OAS2: variants seen among roughly 807,000 people sequenced by gnomAD.
OAS2 encodes 2'-5'-oligoadenylate synthase 2.
OAS2 carries 67 observed loss-of-function variants against 71.3 expected under a neutral mutation model. The observed-to-expected ratio is 0.94, with a 90% CI of 0.77 to 1.15. The LOEUF is 1.15. Among genes scored for constraint, OAS2 ranks in the 50% most tolerant of loss-of-function variants. The probability of loss-of-function intolerance (pLI) is 0.00; values close to 1 mark genes in which losing one functional copy is unlikely to be tolerated. For missense variants in OAS2, 789 were observed against 822.5 expected (o/e 0.96, Z 0.50); for synonymous variants, 327 against 321.8 (o/e 1.02, Z -0.17).
chr12:112,995,148 A>G (rs998803024), intron 2 of OAS2, 148 bp from the exon 3 acceptor site: 1 of 642,182 alleles, frequency 1.6e-6, no homozygotes, highest in Non-Finnish European at 2.6e-6. Flanking sequence ...CTTCCCTACT[A>G]TGTTTTATGT....
chr12:113,009,908 C>G lies in OAS2; in HGVS notation c.*653C>G. On this transcript the variant is annotated 3_prime_UTR_variant, in exon 10 of 10. Coordinates refer to ENST00000392583, the MANE Select transcript of OAS2 (RefSeq NM_002535.3). ...TATATTCCACCAGGATATCCTCCCT[C>G]CAGATATACTTGGTTCTCTCCACCA... is the stretch of plus-strand genomic sequence containing the variant. 1 of 987,436 alleles carries G rather than the reference C, an allele frequency of 1.0e-6. No individual in the cohort carries two copies. Among genetic ancestry groups the G allele is most frequent in the Non-Finnish European group, 1.2e-6 (1 of 831,488 alleles). The allele number at this position is 987,436 out of a possible 1,614,324, so 61.2% of individuals were successfully genotyped here.
chr12:112,982,445 A>G (rs1230115406), intron 1 of OAS2, among the ~76,000 whole-genome samples: 1 of 152,118 alleles, frequency 6.6e-6, no homozygotes, highest in Non-Finnish European at 1.5e-5. Flanking sequence ...TTTGTCCTTC[A>G]TTATGTTGAT....
In OAS2 at chr12:113,010,286, A is replaced by G; in HGVS notation, c.*1031A>G. 1.3e-6 allele frequency: 2 copies of G among 1,502,730 alleles called. No individual in the cohort carries two copies. The highest frequency in any genetic ancestry group is 4.5e-5 in the Admixed American group (2 of 44,410). The allele number at this position is 1,502,730 out of a possible 1,614,324, so 93.1% of individuals were successfully genotyped here. On this transcript the variant is annotated 3_prime_UTR_variant, in exon 10 of 10. Coordinates refer to ENST00000392583, the MANE Select transcript of OAS2 (RefSeq NM_002535.3). ...TGGCAATAGTTACCTTCCCAGATAC[A>G]GGTCCCCCCTTTTTTCCCCTAACTC...
chr12:112,985,116 A>AAT (rs1255145502), intron 1 of OAS2, among the ~76,000 whole-genome samples: 6 of 152,318 alleles, frequency 3.9e-5, no homozygotes, highest in African/African-American at 1.4e-4. Context: ...GTTTGACTAT[A>AAT]ATATGCCTGC....
chr12:112,995,068 G>A (rs986122690), intron 2 of OAS2, among the ~76,000 whole-genome samples: 11 of 151,980 alleles, frequency 7.2e-5, no homozygotes, highest in Admixed American at 2.0e-4. Flanking sequence ...TCTTGTCTTG[G>A]GTTAACACCA....
intron 1 of OAS2, among the ~76,000 whole-genome samples, chr12:112,982,993 T>G (rs1461153227): frequency 6.6e-6 from 1 of 152,180 alleles, no homozygotes; most frequent in African/African-American, 2.4e-5. Context: ...TAATGACCCC[T>G]TTTATTTCTG....
intron 1 of OAS2, among the ~76,000 whole-genome samples, chr12:112,981,194 T>C (rs954095285): frequency 6.6e-6 from 1 of 152,166 alleles, no homozygotes; most frequent in Non-Finnish European, 1.5e-5. Flanking sequence ...ATTGTTCCCT[T>C]TGATGTGCAG....
chr12:112,980,150 T>A (rs140512255), intron 1 of OAS2, among the ~76,000 whole-genome samples: 3 of 152,350 alleles, frequency 2.0e-5, no homozygotes, highest in Non-Finnish European at 2.9e-5. Context: ...TGCATATTTA[T>A]ATGGGGTACA....
In OAS2 at chr12:113,004,915, ACCTT is replaced by A; in HGVS notation, c.1180-14_1180-11del. On this transcript the variant is annotated splice_polypyrimidine_tract_variant and intron_variant, in intron 6 of 9. Coordinates refer to ENST00000392583, the MANE Select transcript of OAS2 (RefSeq NM_002535.3). ...TCGGTTAAGGAAATTCTGGATCTCAACCTTCCTTTCTTCCTTAGGGAGGATCAAC... is the reference window on the plus strand; with the variant it reads ...TCGGTTAAGGAAATTCTGGATCTCAACCTTTCTTCCTTAGGGAGGATCAAC... The A allele has an allele frequency of 6.2e-7, 1 of 1,610,294 alleles. No homozygotes were observed. Among genetic ancestry groups the A allele is most frequent in the Non-Finnish European group, 8.5e-7 (1 of 1,177,270 alleles).
intron 6 of OAS2, among the ~76,000 whole-genome samples, chr12:113,004,711 A>G (rs764221036): frequency 2.0e-5 from 3 of 152,238 alleles, no homozygotes; most frequent in Non-Finnish European, 2.9e-5. Flanking sequence ...TCATGTATAA[A>G]AGGCAGGAGA....
In OAS2 at chr12:113,007,849, C is replaced by T; in HGVS notation, c.1801C>T (p.Gln601Ter). The T allele has an allele frequency of 2.5e-6, 4 of 1,614,128 alleles. No individual in the cohort carries two copies. The highest frequency in any genetic ancestry group is 1.3e-5 in the African/African-American group (1 of 75,030). The change falls in exon 9 of 10, where the codon CAA (glutamine) becomes TAA (stop). Residue 601 changes from glutamine to a stop codon, truncating the protein, a stop_gained. Coordinates refer to ENST00000392583, the MANE Select transcript of OAS2 (RefSeq NM_002535.3). LOFTEE classifies it high-confidence loss of function. Reference protein sequence around the residue: ...GFRTVLELVTQYQQLCIFWKV... With the variant: ...GFRTVLELVT Reference sequence around the variant, plus strand: ...CCGGACAGTCCTGGAGCTGGTCACACAATATCAGCAGCTCTGCATCTTCTG... The same window carrying T: ...CCGGACAGTCCTGGAGCTGGTCACATAATATCAGCAGCTCTGCATCTTCTG...
At chr12:112,997,380 G>A (rs1327126774) in intron 3 of OAS2, 140 bp from the exon 4 acceptor site, 5 of 639,172 alleles carry the variant, frequency 7.8e-6, no homozygotes. Context: ...TCAAGACTTG[G>A]TATTGTCAGT....
rs1182327624 is a variant in OAS2, at chr12:112,978,630, C to G, written c.22C>G (p.Leu8Val). The change falls in exon 1 of 10, where the codon CTG becomes GTG. Residue 8 changes from leucine to valine, a missense_variant. By Grantham distance (32) the Leu-to-Val change is conservative. Transcript: ENST00000392583. This position sits in a 1 kb window ranked among gnomAD's most constrained non-coding sequence, Gnocchi z 4.2. MGNGESQ[L>V]SSVPAQKLGW... The stretch of plus-strand genomic sequence containing the variant: ...AGCAATGGGAAATGGGGAGTCCCAG[C>G]TGTCCTCGGTGCCTGCTCAGAAGCT... 4 of 1,614,110 alleles carry G rather than the reference C, an allele frequency of 2.5e-6. No individual in the cohort carries two copies. In the Admixed American group the frequency reaches 6.7e-5, roughly 27 times the overall value.
chr12:113,007,524 G>T (rs947777630), intron 8 of OAS2, among the ~76,000 whole-genome samples, 181 bp from the exon 9 acceptor site: 1 of 152,206 alleles, frequency 6.6e-6, no homozygotes, highest in African/African-American at 2.4e-5. Flanking sequence ...GCACAACAAA[G>T]AAACTCAAAT....
At chr12:112,979,104 T>C (rs900897550) in intron 1 of OAS2, among the ~76,000 whole-genome samples, 2 of 152,228 alleles carry the variant, frequency 1.3e-5, no homozygotes, top group African/African-American at 4.8e-5. Flanking sequence ...TCACTGTGAT[T>C]ACTCACTGCG....
At chr12:113,008,304 T>TAAGA (rs2044352117) in intron 9 of OAS2, among the ~76,000 whole-genome samples, 1 of 151,866 alleles carries the variant, frequency 6.6e-6, no homozygotes, top group African/African-American at 2.4e-5. Context: ...TCAAGAATAG[T>TAAGA]AAGAAATCAT....
At chr12:112,990,190 G>A (rs1301074481) in intron 2 of OAS2, among the ~76,000 whole-genome samples, 1 of 152,168 alleles carries the variant, frequency 6.6e-6, no homozygotes, top group African/African-American at 2.4e-5. Flanking sequence ...CCAAATATGA[G>A]GACCATGACC....
chr12:113,004,127 C>T (rs137972425), intron 6 of OAS2, among the ~76,000 whole-genome samples: 27 of 152,252 alleles, frequency 1.8e-4, no homozygotes, highest in African/African-American at 6.3e-4. Context: ...TCTGCTTAGG[C>T]CAGAGGAAGG....
chr12:113,002,036 G>A lies in OAS2; in HGVS notation c.1009-896G>A, dbSNP rs568520531. ...GGTGACAGAGCGAGACACTATTTCT[G>A]AAAAAACATGGGTTAGAATCATGGG... On this transcript the variant is annotated intron_variant, in intron 5 of 9. Transcript: ENST00000392583. Among the ~76,000 whole-genome samples, 16 of 151,974 alleles carry A rather than the reference G, an allele frequency of 1.1e-4. No homozygotes were observed. The South Asian group carries it at 3.3e-3, about 32-fold the overall frequency.
Sources: allele counts gnomAD v4.1 joint callset (sites outside exome capture counted in the v4.1 genomes callset), GRCh38; gene constraint gnomAD v4.1.1; non-coding constraint Gnocchi (gnomAD v3.1); transcripts MANE v1.5; gene names NCBI Gene and HGNC (gene_info 2026-07-23, HGNC 2026-07-21).